GRXCR2: variants seen among roughly 807,000 people sequenced by gnomAD.
GRXCR2 encodes glutaredoxin and cysteine rich domain containing 2.
GRXCR2 carries 23 observed loss-of-function variants against 24.8 expected under a neutral mutation model. The observed-to-expected ratio is 0.93, with a 90% confidence interval of 0.67 to 1.32. The LOEUF (loss-of-function observed/expected upper bound fraction) is 1.32, where lower values mean the gene tolerates loss of function less well. GRXCR2 is among the 40% of genes most tolerant of loss of function. The pLI is 0.00. For missense variants in GRXCR2, 315 were observed against 303.4 expected (o/e 1.04, Z -0.28); for synonymous variants, 130 against 116.1 (o/e 1.12, Z -0.77).
chr5:145,876,151 A>G (rs982503366), upstream of GRXCR2, among the ~76,000 whole-genome samples: 3 of 148,332 alleles, frequency 2.0e-5, no homozygotes, highest in Non-Finnish European at 1.5e-5. Context: ...TGGTTGACAA[A>G]GTGAGACCCT....
chr5:145,927,928 T>C (rs1482268083), intron 2 of GRXCR2, among the ~76,000 whole-genome samples: 2 of 152,152 alleles, frequency 1.3e-5, no homozygotes, highest in Non-Finnish European at 2.9e-5. Context: ...AAAGAGCTTC[T>C]GCACAGCAAA....
chr5:145,918,050 T>C (rs544687935), intron 2 of GRXCR2, among the ~76,000 whole-genome samples: 1 of 152,304 alleles, frequency 6.6e-6, no homozygotes, highest in East Asian at 1.9e-4. Context: ...AGTGGTGGGA[T>C]TATAGGCGTG....
chr5:145,895,812 C>T (rs1278525530), intron 2 of GRXCR2, among the ~76,000 whole-genome samples: 7 of 152,322 alleles, frequency 4.6e-5, no homozygotes, highest in Non-Finnish European at 1.0e-4. Context: ...AAAAAAGAGC[C>T]TGCATTGCCA....
intron 2 of GRXCR2, among the ~76,000 whole-genome samples, chr5:145,881,157 A>G (rs761716513): frequency 6.6e-5 from 10 of 152,228 alleles, no homozygotes; most frequent in Non-Finnish European, 1.5e-4. Flanking sequence ...CCTATTTAAC[A>G]TAGTGTTGGA....
chr5:145,896,082 T>C (rs2149920916), intron 2 of GRXCR2, among the ~76,000 whole-genome samples: 1 of 152,248 alleles, frequency 6.6e-6, no homozygotes, highest in African/African-American at 2.4e-5. Flanking sequence ...TAGCCATATG[T>C]AGAAAGCTGA....
At chr5:145,876,539 C>G (rs959927460), upstream of GRXCR2, among the ~76,000 whole-genome samples, 1 of 152,058 alleles carries the variant, frequency 6.6e-6, no homozygotes, top group Admixed American at 6.6e-5. Flanking sequence ...TAACCAATAG[C>G]CTATCTTCAT....
intron 2 of GRXCR2, among the ~76,000 whole-genome samples, chr5:145,913,424 T>A (rs1349304322): frequency 6.6e-6 from 1 of 150,678 alleles, no homozygotes; most frequent in Non-Finnish European, 1.5e-5. Context: ...GAGGGCCCAC[T>A]CAAAAAAACG....
At chr5:145,908,341 C>T (rs1010993208) in intron 2 of GRXCR2, among the ~76,000 whole-genome samples, 1 of 148,882 alleles carries the variant, frequency 6.7e-6, no homozygotes, top group South Asian at 2.1e-4. Context: ...CCTATGAAGC[C>T]TCAAGAAAAT....
At chr5:145,868,765 A>G (rs941176099) in intron 1 of GRXCR2, among the ~76,000 whole-genome samples, 2 of 152,218 alleles carry the variant, frequency 1.3e-5, no homozygotes, top group African/African-American at 4.8e-5. Context: ...GACACCCAAG[A>G]TAGCAAGTTT....
intron 2 of GRXCR2, among the ~76,000 whole-genome samples, chr5:145,891,206 G>A (rs974999499): frequency 6.6e-6 from 1 of 152,178 alleles, no homozygotes; most frequent in Non-Finnish European, 1.5e-5. Context: ...CCCAGCTTGA[G>A]CGATGCAGAA....
At chr5:145,887,999 A>G (rs1188687921) in intron 2 of GRXCR2, among the ~76,000 whole-genome samples, 1 of 152,164 alleles carries the variant, frequency 6.6e-6, no homozygotes, top group East Asian at 1.9e-4. Flanking sequence ...CAAGGGCATT[A>G]TATTGGTTTT....
intron 2 of GRXCR2, among the ~76,000 whole-genome samples, chr5:145,914,150 T>A (rs1006615907): frequency 6.6e-6 from 1 of 152,110 alleles, no homozygotes; most frequent in African/African-American, 2.4e-5. Flanking sequence ...CTCTTCTTAT[T>A]GAAAAAAAGC....
upstream of GRXCR2, among the ~76,000 whole-genome samples, chr5:145,874,930 A>T (rs1173290483): frequency 1.3e-5 from 2 of 152,116 alleles, no homozygotes. Flanking sequence ...TAGAGTGTCA[A>T]ATTTCCATTC....
chr5:145,890,887 C>T (rs1425839162), intron 2 of GRXCR2, among the ~76,000 whole-genome samples: 1 of 149,650 alleles, frequency 6.7e-6, no homozygotes, highest in Admixed American at 6.6e-5. Context: ...ACCTGTCTCA[C>T]ACATAATGAC....
Position 145,930,681 on chromosome 5 carries a change from A to G in GRXCR2, c.-70+5020T>C, listed in dbSNP as rs191648489. Among the ~76,000 whole-genome samples the G allele has an allele frequency of 9.8e-5, 15 of 152,340 alleles. No individual in the cohort carries two copies. The East Asian group carries it at 2.5e-3, about 25-fold the overall frequency. ...ACATTGTGTAAGAGCATTTTGATCA[A>G]TAAAGAACTGAGCAATCACATGGCC... On this transcript the variant is annotated intron_variant, in intron 2 of 3. Transcript: ENST00000639411.
At chr5:145,893,724 C>T (rs972954807) in intron 2 of GRXCR2, among the ~76,000 whole-genome samples, 1 of 152,110 alleles carries the variant, frequency 6.6e-6, no homozygotes, top group Non-Finnish European at 1.5e-5. Flanking sequence ...GACAGATCAA[C>T]AAGACATAAA....
upstream of GRXCR2, chr5:145,873,120 T>A (rs986148451): frequency 3.2e-6 from 2 of 625,048 alleles, no homozygotes; most frequent in African/African-American, 3.7e-5. Flanking sequence ...CTGACACCCA[T>A]ACATTAAATA....
At chr5:145,910,097 G>A (rs1207501124) in intron 2 of GRXCR2, among the ~76,000 whole-genome samples, 2 of 152,142 alleles carry the variant, frequency 1.3e-5, no homozygotes, top group East Asian at 1.9e-4. Context: ...TTGTTCCCAC[G>A]CTATTGTACC....
intron 2 of GRXCR2, among the ~76,000 whole-genome samples, chr5:145,911,331 C>G (rs1455243266): frequency 6.6e-6 from 1 of 152,172 alleles, no homozygotes; most frequent in East Asian, 1.9e-4. Flanking sequence ...GGTCTGGCGT[C>G]CCCTGTGCAT....
Sources: gnomAD v4.1 joint callset for allele counts (sites outside exome capture counted in the v4.1 genomes callset) on GRCh38, gnomAD v4.1.1 for gene constraint, MANE v1.5 for transcripts, NCBI Gene and HGNC (gene_info 2026-07-23, HGNC 2026-07-21) for gene names.